Variants in GLT1D1 observed in about 807,000 individuals in gnomAD.
GLT1D1 encodes the protein glycosyltransferase 1 domain-containing protein 1.
GLT1D1 carries 21 observed loss-of-function variants against 28.7 expected under a neutral mutation model. That is an observed-to-expected ratio of 0.73 (90% CI 0.52 to 1.05). GLT1D1 has a LOEUF of 1.05. GLT1D1 is among the 50% of genes least tolerant of loss of function. The pLI, the probability that GLT1D1 is intolerant of heterozygous loss-of-function variation, is 0.00. For synonymous variants in GLT1D1, 147 were observed against 124.8 expected (o/e 1.18, Z -1.19); for missense variants, 343 against 330.6 (o/e 1.04, Z -0.29).
intron 5 of GLT1D1, among the ~76,000 whole-genome samples, chr12:128,945,873 C>T (rs1476005786): frequency 6.6e-6 from 1 of 152,152 alleles, no homozygotes; most frequent in Non-Finnish European, 1.5e-5. Flanking sequence ...TGGCTCCCAT[C>T]CTGAAGGTGA....
chr12:128,926,184 A>C (rs1471767718), intron 4 of GLT1D1, among the ~76,000 whole-genome samples, 175 bp from the exon 7 acceptor site: 2 of 141,098 alleles, frequency 1.4e-5, no homozygotes, highest in Non-Finnish European at 3.0e-5. Flanking sequence ...ACAGAGCAAG[A>C]CTCTGTCTCA....
At chr12:128,956,481 G>T (rs1474287271) in intron 6 of GLT1D1, among the ~76,000 whole-genome samples, 1 of 152,054 alleles carries the variant, frequency 6.6e-6, no homozygotes, top group Non-Finnish European at 1.5e-5. Flanking sequence ...ATCCTAAGTC[G>T]AATCATTATA....
chr12:128,876,209 T>A, intron 2 of GLT1D1, 147 bp downstream of exon 2: 2 of 677,528 alleles, frequency 3.0e-6, no homozygotes, highest in Non-Finnish European at 2.4e-6. Context: ...TTTGCTTTCT[T>A]AATGCACAAT....
intron 3 of GLT1D1, among the ~76,000 whole-genome samples, chr12:128,891,378 G>C (rs1428529771): frequency 6.6e-6 from 1 of 152,138 alleles, no homozygotes; most frequent in Non-Finnish European, 1.5e-5. Context: ...TTAGAAGAAA[G>C]CTTCACCTGT....
intron 7 of GLT1D1, among the ~76,000 whole-genome samples, chr12:128,965,450 G>A (rs1878358318): frequency 6.6e-6 from 1 of 152,210 alleles, no homozygotes; most frequent in African/African-American, 2.4e-5. Flanking sequence ...AGGCTCGTGG[G>A]ATGCTGAGCT....
At chr12:128,884,196 T>G (rs1456690187) in intron 2 of GLT1D1, among the ~76,000 whole-genome samples, 1 of 151,742 alleles carries the variant, frequency 6.6e-6, no homozygotes, top group Admixed American at 6.6e-5. Context: ...ATACAGAAAA[T>G]GGGGTATATA....
chr12:128,898,523 G>T (rs1271332160), intron 3 of GLT1D1, among the ~76,000 whole-genome samples: 6 of 152,112 alleles, frequency 3.9e-5, no homozygotes, highest in Admixed American at 2.0e-4. Context: ...CCAATTATAT[G>T]TATAGGTAAA....
intron 6 of GLT1D1, among the ~76,000 whole-genome samples, chr12:128,955,596 A>G (rs960641702): frequency 6.6e-6 from 1 of 151,638 alleles, no homozygotes; most frequent in Admixed American, 6.6e-5. Flanking sequence ...GTGTCCCCCA[A>G]CCCAGCTCCC....
At chr12:128,982,331 C>A (rs1375782744) in intron 7 of GLT1D1, among the ~76,000 whole-genome samples, 3 of 152,166 alleles carry the variant, frequency 2.0e-5, no homozygotes, top group Non-Finnish European at 4.4e-5. Context: ...TTGCCCAAGG[C>A]CACACAGCAA....
chr12:128,916,324 T>G (rs1169845084), intron 4 of GLT1D1, among the ~76,000 whole-genome samples: 1 of 152,260 alleles, frequency 6.6e-6, no homozygotes, highest in Non-Finnish European at 1.5e-5. Flanking sequence ...ACATTTACTA[T>G]GAATATCCTT....
At chr12:128,868,488 G>T (rs1044021814) in intron 1 of GLT1D1, among the ~76,000 whole-genome samples, 1 of 152,128 alleles carries the variant, frequency 6.6e-6, no homozygotes, top group African/African-American at 2.4e-5. Flanking sequence ...TATGGAGAAG[G>T]GAAATGGGAA....
intron 1 of GLT1D1, among the ~76,000 whole-genome samples, chr12:128,874,039 C>G (rs192938594): frequency 0.011 from 905 of 82,606 alleles, 68 homozygotes; most frequent in African/African-American, 0.051. Context: ...CTCCCTCCCT[C>G]CCTGCCTCCC....
At chr12:128,926,990 C>A in intron 4 of GLT1D1, 115 bp from the exon 8 acceptor site, 3 of 624,978 alleles carry the variant, frequency 4.8e-6, no homozygotes, top group East Asian at 2.9e-5. Context: ...GAATGAAAGC[C>A]AAATGATATG....
At chr12:128,871,431 G>A (rs1225783352) in intron 1 of GLT1D1, among the ~76,000 whole-genome samples, 2 of 152,144 alleles carry the variant, frequency 1.3e-5, no homozygotes, top group African/African-American at 4.8e-5. Context: ...GAAAATGGTA[G>A]GCTCAAGATA....
At chr12:128,931,917 G>GCACGCGCGCACACACA (rs1368012620) in intron 4 of GLT1D1, among the ~76,000 whole-genome samples, 4 of 141,002 alleles carry the variant, frequency 2.8e-5, no homozygotes, top group Non-Finnish European at 6.4e-5. Flanking sequence ...ACACACGCAC[G>GCACGCGCGCACACACA]CACACACACA....
intron 1 of GLT1D1, among the ~76,000 whole-genome samples, chr12:128,871,845 C>CA (rs201024109): frequency 0.014 from 2,180 of 151,674 alleles, 46 homozygotes; most frequent in African/African-American, 0.049. Context: ...GCTGGAATTA[C>CA]AAAAGAAAAA....
At chr12:128,939,765 C>T (rs957431885) in intron 4 of GLT1D1, among the ~76,000 whole-genome samples, 3 of 151,032 alleles carry the variant, frequency 2.0e-5, no homozygotes, top group Admixed American at 6.6e-5. Context: ...GTGCCACACA[C>T]ATTTAAACAG....
intron 4 of GLT1D1, among the ~76,000 whole-genome samples, chr12:128,937,646 C>A (rs1874702614): frequency 6.6e-6 from 1 of 151,052 alleles, no homozygotes; most frequent in African/African-American, 2.4e-5. Context: ...ATCTCATCTT[C>A]AGTTGCAATC....
chr12:128,881,549 AAAAAAAAAAAAAATATATAT>A (rs1416486526), intron 2 of GLT1D1, among the ~76,000 whole-genome samples: 51 of 75,728 alleles, frequency 6.7e-4, no homozygotes, highest in East Asian at 1.4e-3. Flanking sequence ...AAAAAAAAAA[AAAAAAAAAAAAAATATATAT>A]ATATATATAT....
Sources: gnomAD v4.1 joint callset for allele counts (sites outside exome capture counted in the v4.1 genomes callset) on GRCh38, gnomAD v4.1.1 for gene constraint, MANE v1.5 for transcripts, NCBI Gene and HGNC (gene_info 2026-07-23, HGNC 2026-07-21) for gene names.